Variants in PITPNC1 observed in about 807,000 individuals in gnomAD.
The protein encoded by PITPNC1 is cytoplasmic phosphatidylinositol transfer protein 1.
PITPNC1 carries 18 observed loss-of-function variants against 44.7 expected under a neutral mutation model. The observed-to-expected ratio is 0.40, with a 90% CI of 0.28 to 0.60. The LOEUF (loss-of-function observed/expected upper bound fraction) is 0.60, where lower values mean the gene tolerates loss of function less well. Among genes scored for constraint, PITPNC1 ranks in the 20% least tolerant of loss-of-function variants. The pLI is 0.39. For synonymous variants in PITPNC1, 141 were observed against 149.6 expected (o/e 0.94, Z 0.42); for missense variants, 290 against 418.4 (o/e 0.69, Z 2.68).
At chr17:67,539,753 G>A (rs1234460842) in intron 2 of PITPNC1, among the ~76,000 whole-genome samples, 2 of 152,098 alleles carry the variant, frequency 1.3e-5, no homozygotes, top group African/African-American at 2.4e-5. Context: ...CAGGAGAATG[G>A]CGTGAACCCG....
Position 67,430,791 on chromosome 17 carries a change from CA to C in PITPNC1, c.48+52602del, listed in dbSNP as rs537953933. ...CAACATAGTGAGACCCTGTCTCTAC[CA>C]AAAAAAAAAAAATTAGACATATGCA... On this transcript the variant is annotated intron_variant, in intron 1 of 8. Coordinates refer to ENST00000581322, the MANE Select transcript of PITPNC1 (RefSeq NM_012417.4). Among the ~76,000 whole-genome samples the C allele has an allele frequency of 1.0e-2, 1,368 of 137,382 alleles. 15 individuals are homozygous for C. Among genetic ancestry groups the C allele is most frequent in the African/African-American group, 0.031 (1,147 of 37,558 alleles). The allele number at this position is 137,382 out of a possible 152,430, so 90.1% of individuals were successfully genotyped here.
chr17:67,629,170 T>C (rs1005445710), intron 5 of PITPNC1, among the ~76,000 whole-genome samples: 3 of 151,930 alleles, frequency 2.0e-5, no homozygotes, highest in Non-Finnish European at 4.4e-5. Flanking sequence ...TTGCCACCAA[T>C]AAATGTCAAA....
intron 5 of PITPNC1, among the ~76,000 whole-genome samples, chr17:67,625,735 C>A (rs774954923): frequency 6.6e-5 from 10 of 152,090 alleles, no homozygotes; most frequent in Non-Finnish European, 8.8e-5. Flanking sequence ...AGCCAAGGAG[C>A]AAGACAGAGG....
chr17:67,389,061 AG>A (rs772991482), intron 1 of PITPNC1, among the ~76,000 whole-genome samples: 10 of 152,248 alleles, frequency 6.6e-5, no homozygotes, highest in Non-Finnish European at 1.2e-4. Context: ...TCAAGGCGTC[AG>A]TCAGGCTGCC....
At chr17:67,571,443 A>G (rs1425982390) in intron 4 of PITPNC1, among the ~76,000 whole-genome samples, 1 of 152,202 alleles carries the variant, frequency 6.6e-6, no homozygotes, top group Non-Finnish European at 1.5e-5. Context: ...AGAAAAGAAA[A>G]GAGAAGAGAA....
chr17:67,450,448 C>T lies in PITPNC1; in HGVS notation c.48+72246C>T, dbSNP rs546381200. Among the ~76,000 whole-genome samples the T allele has an allele frequency of 9.9e-5, 15 of 151,636 alleles. No homozygotes were observed. The South Asian group carries it at 1.0e-3, about 11-fold the overall frequency. ...ATTTTAAGTTTCTTTTTTTTGAAGACGAAGCCTTGCTCTGTCACCCAGGCT... is the reference window on the plus strand; with the variant it reads ...ATTTTAAGTTTCTTTTTTTTGAAGATGAAGCCTTGCTCTGTCACCCAGGCT... On this transcript the variant is annotated intron_variant, in intron 1 of 8. Coordinates refer to ENST00000581322, the MANE Select transcript of PITPNC1 (RefSeq NM_012417.4).
intron 1 of PITPNC1, among the ~76,000 whole-genome samples, chr17:67,481,286 G>A (rs563551536): frequency 1.3e-5 from 2 of 152,196 alleles, no homozygotes. Context: ...ACAACTTGCC[G>A]TCTCAAGGCC....
intron 1 of PITPNC1, among the ~76,000 whole-genome samples, chr17:67,507,100 ACTGTGAC>A (rs1254466918): frequency 6.6e-6 from 1 of 152,222 alleles, no homozygotes; most frequent in Non-Finnish European, 1.5e-5. Flanking sequence ...TCAACGAGTC[ACTGTGAC>A]CTCTTAGAAA....
At chr17:67,415,283 A>T (rs1020801704) in intron 1 of PITPNC1, among the ~76,000 whole-genome samples, 3 of 152,184 alleles carry the variant, frequency 2.0e-5, no homozygotes, top group Non-Finnish European at 4.4e-5. Flanking sequence ...TTACCAGGAA[A>T]GGTTTTTCTC....
chr17:67,455,940 G>A (rs952416855), intron 1 of PITPNC1, among the ~76,000 whole-genome samples: 2 of 152,098 alleles, frequency 1.3e-5, no homozygotes, highest in Non-Finnish European at 2.9e-5. Context: ...TATAAAACAT[G>A]TACAGATAAT....
intron 1 of PITPNC1, among the ~76,000 whole-genome samples, chr17:67,447,510 A>G (rs530296374): frequency 6.6e-6 from 1 of 151,370 alleles, no homozygotes; most frequent in African/African-American, 2.4e-5. Flanking sequence ...GACTACAGGC[A>G]TGTACCACCA....
chr17:67,634,166 G>A (rs1311327977), intron 6 of PITPNC1, among the ~76,000 whole-genome samples: 1 of 152,052 alleles, frequency 6.6e-6, no homozygotes, highest in African/African-American at 2.4e-5. Flanking sequence ...CCTTCCCTGG[G>A]TCCTAGAGTA....
intron 1 of PITPNC1, among the ~76,000 whole-genome samples, chr17:67,410,049 G>A (rs1355484581): frequency 2.0e-5 from 3 of 152,128 alleles, no homozygotes; most frequent in South Asian, 2.1e-4. Flanking sequence ...GTTCTCCAAA[G>A]CGATTGTCAT....
chr17:67,470,631 A>G (rs1328823820), intron 1 of PITPNC1, among the ~76,000 whole-genome samples: 1 of 151,776 alleles, frequency 6.6e-6, no homozygotes, highest in South Asian at 2.1e-4. Flanking sequence ...GGTGAGGGGC[A>G]CCTCTGCCCG....
chr17:67,636,589 T>C lies in PITPNC1; in HGVS notation c.462+4351T>C, dbSNP rs541579059. Among the ~76,000 whole-genome samples the C allele has an allele frequency of 8.5e-5, 13 of 152,308 alleles. No homozygotes were observed. In the East Asian group the frequency reaches 2.3e-3, roughly 27 times the overall value. On this transcript the variant is annotated intron_variant, in intron 6 of 8. Coordinates refer to ENST00000581322, the MANE Select transcript of PITPNC1 (RefSeq NM_012417.4). ...ACCTGGCAGCCGGACCACAAAGGGC[T>C]ATAGGTACCACTGGGAGCCTGCAAT...
intron 1 of PITPNC1, among the ~76,000 whole-genome samples, chr17:67,498,605 T>G (rs1310888758): frequency 6.6e-6 from 1 of 152,240 alleles, no homozygotes; most frequent in Non-Finnish European, 1.5e-5. Flanking sequence ...GTTTTAATTT[T>G]GTTAGGAAGC....
intron 5 of PITPNC1, among the ~76,000 whole-genome samples, chr17:67,608,259 A>AC (rs915971330): frequency 7.4e-6 from 1 of 134,560 alleles, no homozygotes; most frequent in African/African-American, 2.6e-5. Flanking sequence ...AAAAAAAACA[A>AC]AAAAAAAAAA....
At chr17:67,398,912 T>G (rs1430960893) in intron 1 of PITPNC1, among the ~76,000 whole-genome samples, 1 of 152,138 alleles carries the variant, frequency 6.6e-6, no homozygotes, top group Non-Finnish European at 1.5e-5. Flanking sequence ...TTATGAAGCT[T>G]TCTCACCTTT....
intron 1 of PITPNC1, among the ~76,000 whole-genome samples, chr17:67,415,657 C>T (rs1421782458): frequency 6.6e-6 from 1 of 152,180 alleles, no homozygotes; most frequent in African/African-American, 2.4e-5. Flanking sequence ...ATTACGTGGA[C>T]ATGGTTATAT....
Sources: allele counts gnomAD v4.1 joint callset (sites outside exome capture counted in the v4.1 genomes callset), GRCh38; gene constraint gnomAD v4.1.1; transcripts MANE v1.5; gene names NCBI Gene and HGNC (gene_info 2026-07-23, HGNC 2026-07-21).